Variants in SCML2 observed in about 807,000 individuals in gnomAD.
SCML2 encodes Scm polycomb group protein like 2.
A neutral mutation model predicts 48.4 loss-of-function variants in SCML2; 6 were observed. The observed-to-expected ratio is 0.12, with a 90% CI of 0.07 to 0.24. The LOEUF (loss-of-function observed/expected upper bound fraction) is 0.24. Among genes scored for constraint, SCML2 ranks in the 10% least tolerant of loss-of-function variants. The probability of loss-of-function intolerance (pLI) is 1.00; values close to 1 mark genes in which losing one functional copy is unlikely to be tolerated. For synonymous variants in SCML2, 181 were observed against 189.5 expected (o/e 0.95, Z 0.37); for missense variants, 377 against 528.2 (o/e 0.71, Z 2.81).
intron 6 of SCML2, among the ~76,000 whole-genome samples, chrX:18,307,286 C>CA (rs1192460033): frequency 4.7e-4 from 45 of 96,056 alleles, no homozygotes; most frequent in East Asian, 9.7e-4. Flanking sequence ...GACTCTGCCT[C>CA]AAAAAAAAAA....
At chrX:18,310,551 C>A (rs1425206062) in intron 6 of SCML2, among the ~76,000 whole-genome samples, 1 of 110,516 alleles carries the variant, frequency 9.0e-6, no homozygotes, top group African/African-American at 3.3e-5. Context: ...CAGGTGTGAG[C>A]CACTGCGCCC....
intron 9 of SCML2, 135 bp downstream of exon 9, chrX:18,260,036 G>GA: frequency 2.3e-6 from 1 of 437,480 alleles, no homozygotes; most frequent in East Asian, 4.6e-5. Context: ...ACTTTAATAT[G>GA]AAAAATGCAA....
intron 11 of SCML2, among the ~76,000 whole-genome samples, chrX:18,256,401 G>A (rs1157879323): frequency 1.8e-5 from 2 of 111,471 alleles, no homozygotes; most frequent in East Asian, 2.8e-4. Flanking sequence ...GCAGTGAGCC[G>A]AGATTGTGCC....
intron 12 of SCML2, among the ~76,000 whole-genome samples, 165 bp from the exon 13 acceptor site, chrX:18,246,993 G>A (rs899181286): frequency 5.4e-5 from 6 of 111,770 alleles, no homozygotes; most frequent in African/African-American, 1.3e-4. Flanking sequence ...TGGTATGGAT[G>A]CATACACTGA....
intron 7 of SCML2, among the ~76,000 whole-genome samples, chrX:18,285,604 CTACCTGGATGCAATA>C (rs887406161): frequency 1.8e-5 from 2 of 110,762 alleles, no homozygotes; most frequent in African/African-American, 3.3e-5. Flanking sequence ...ACTATGCTCA[CTACCTGGATGCAATA>C]TACCCATGTA....
chrX:18,294,823 C>T (rs1045988498), intron 7 of SCML2, among the ~76,000 whole-genome samples: 1 of 111,124 alleles, frequency 9.0e-6, no homozygotes, highest in Non-Finnish European at 1.9e-5. Flanking sequence ...AGCCAAAGCA[C>T]GTGCTCCATA....
intron 7 of SCML2, among the ~76,000 whole-genome samples, chrX:18,298,318 T>C (rs1928462869): frequency 9.0e-6 from 1 of 111,093 alleles, no homozygotes; most frequent in Non-Finnish European, 1.9e-5. Flanking sequence ...AAAGTAATCC[T>C]GAGCAAAAAA....
intron 6 of SCML2, among the ~76,000 whole-genome samples, chrX:18,310,130 C>T (rs982370041): frequency 3.6e-5 from 4 of 111,562 alleles, no homozygotes; most frequent in Admixed American, 2.9e-4. Context: ...TCTTTAATAA[C>T]TTCCTGAACA....
At chrX:18,262,606 G>A (rs1389331854) in intron 8 of SCML2, among the ~76,000 whole-genome samples, 2 of 108,494 alleles carry the variant, frequency 1.8e-5, no homozygotes, top group Admixed American at 9.6e-5. Flanking sequence ...CTCCCAAAGT[G>A]CTGGGATTAC....
rs190771018 is a variant in SCML2 at position 18,304,057 on chromosome X, G to C, written c.730+915C>G. Reference sequence around the variant, plus strand: ...TGATTTTTCATTTATTTATTTTTTTGAGACGGAGTTTTGTTCTCGTTGCCC... The same window carrying C: ...TGATTTTTCATTTATTTATTTTTTTCAGACGGAGTTTTGTTCTCGTTGCCC... On this transcript the variant is annotated intron_variant, in intron 7 of 14. Transcript: ENST00000251900. Among the ~76,000 whole-genome samples, 541 of 110,668 alleles carry C rather than the reference G, an allele frequency of 4.9e-3. 5 individuals are homozygous for C. Among genetic ancestry groups the C allele is most frequent in the Non-Finnish European group, 4.7e-3 (249 of 52,891 alleles).
intron 7 of SCML2, among the ~76,000 whole-genome samples, chrX:18,293,013 T>C (rs1928282499): frequency 9.0e-6 from 1 of 111,657 alleles, no homozygotes; most frequent in Non-Finnish European, 1.9e-5. Context: ...TAAAGTTATA[T>C]GTGTAAGAGA....
intron 10 of SCML2, among the ~76,000 whole-genome samples, chrX:18,257,330 C>G (rs1206922533): frequency 9.0e-6 from 1 of 111,591 alleles, no homozygotes; most frequent in Non-Finnish European, 1.9e-5. Flanking sequence ...GGTGTCTGAT[C>G]ATAGCCACCA....
chrX:18,263,142 A>ATT (rs201695933), intron 8 of SCML2, among the ~76,000 whole-genome samples: 21 of 103,660 alleles, frequency 2.0e-4, no homozygotes, highest in East Asian at 5.9e-4. Context: ...AATTCTTTGC[A>ATT]TTTTTTTTTT....
intron 1 of SCML2, among the ~76,000 whole-genome samples, chrX:18,354,054 GC>G (rs1930459806): frequency 8.9e-6 from 1 of 112,276 alleles, no homozygotes; most frequent in Non-Finnish European, 1.9e-5. Flanking sequence ...GGCGCCCCCA[GC>G]CCCCGCCAGG....
intron 7 of SCML2, among the ~76,000 whole-genome samples, chrX:18,293,905 T>C (rs1928309483): frequency 8.9e-6 from 1 of 112,184 alleles, no homozygotes; most frequent in Admixed American, 9.4e-5. Flanking sequence ...AGAAAGTGTC[T>C]TTCGAGGACA....
chrX:18,290,067 T>G (rs183436470), intron 7 of SCML2, among the ~76,000 whole-genome samples: 306 of 112,047 alleles, frequency 2.7e-3, no homozygotes, highest in African/African-American at 9.4e-3. Flanking sequence ...CTTAAAGTTT[T>G]AATTAAGAAA....
At chrX:18,342,317 T>C (rs1280656333) in intron 1 of SCML2, among the ~76,000 whole-genome samples, 2 of 109,885 alleles carry the variant, frequency 1.8e-5, no homozygotes, top group African/African-American at 6.6e-5. Flanking sequence ...GCAATTCCAC[T>C]GTGTGAAAAA....
At position 18,241,023 on chromosome X, in the gene SCML2, C is replaced by A; in HGVS notation, c.*228G>T. 1 of 215,670 alleles carries A rather than the reference C, an allele frequency of 4.6e-6. No homozygotes were observed. The highest frequency in any genetic ancestry group is 8.5e-6 in the Non-Finnish European group (1 of 117,708). 17.8% of individuals were successfully genotyped at this position (215,670 alleles called of 1,213,427 possible). ...TATGCCAATACTAACCTGTTAAATG[C>A]TTTTTAAAGAAGTAGACTGGGGGAG... On this transcript the variant is annotated 3_prime_UTR_variant, in exon 15 of 15. Transcript: ENST00000251900.
At chrX:18,270,431 T>C (rs750254545) in intron 7 of SCML2, among the ~76,000 whole-genome samples, 1 of 111,378 alleles carries the variant, frequency 9.0e-6, no homozygotes, top group Admixed American at 9.6e-5. Context: ...AGACAAGGTT[T>C]CACTCTGTCG....
Sources: allele counts gnomAD v4.1 joint callset (sites outside exome capture counted in the v4.1 genomes callset), GRCh38; gene constraint gnomAD v4.1.1; transcripts MANE v1.5; gene names NCBI Gene and HGNC (gene_info 2026-07-23, HGNC 2026-07-21).